KDM1A: variants seen among roughly 807,000 people sequenced by gnomAD.
KDM1A encodes the protein lysine-specific histone demethylase 1A.
Under a neutral mutation model 109.4 loss-of-function variants are expected in KDM1A, and 49 were observed. The observed-to-expected ratio is 0.45, with a 90% CI of 0.36 to 0.57. The LOEUF (loss-of-function observed/expected upper bound fraction) is 0.57, where lower values mean the gene tolerates loss of function less well. KDM1A is among the 20% of genes least tolerant of loss of function. The pLI, the probability that KDM1A is intolerant of heterozygous loss-of-function variation, is 0.00. For missense variants in KDM1A, 668 were observed against 1,116.6 expected, an observed-to-expected ratio of 0.60 and a Z score of 5.73; for synonymous variants, 380 against 415.4, an observed-to-expected ratio of 0.91 and a Z score of 1.04.
chr1:23,082,209 T>A lies in KDM1A; in HGVS notation c.2299-11T>A, dbSNP rs1222418791. On this transcript the variant is annotated splice_polypyrimidine_tract_variant and intron_variant, in intron 19 of 20. Coordinates refer to ENST00000400181, the MANE Select transcript of KDM1A (RefSeq NM_001009999.3). ...TCTCGTAATGACTTTTGCTCCTGGT[T>A]TTTCTTTTAGCCCAAAGAAACTGTG... 1.2e-6 allele frequency: 2 copies of A among 1,612,472 alleles called. No homozygotes were observed. The highest frequency in any genetic ancestry group is 1.7e-6 in the Non-Finnish European group (2 of 1,179,406).
At chr1:23,024,667 C>T (rs1023558335) in intron 1 of KDM1A, among the ~76,000 whole-genome samples, 3 of 152,140 alleles carry the variant, frequency 2.0e-5, no homozygotes, top group East Asian at 3.8e-4. Context: ...TGGAACTTCA[C>T]GAACACCATA....
Position 23,054,488 on chromosome 1 carries a change from TTGAG to T in KDM1A, c.791-569_791-566del, listed in dbSNP as rs1248075809. ...CTAATAGTTCTAAGAATCACATTGA[TTGAG>T]TGAGTGAGTGATTGACAGTGTCTCC... is the stretch of plus-strand genomic sequence containing the variant. On this transcript the variant is annotated intron_variant, in intron 5 of 20. Transcript: ENST00000400181. Among the ~76,000 whole-genome samples the T allele has an allele frequency of 5.3e-5, 8 of 152,186 alleles. 1 individual carries two copies. The highest frequency in any genetic ancestry group is 7.3e-5 in the Non-Finnish European group (5 of 68,040).
chr1:23,077,366 T>C lies in KDM1A; in HGVS notation c.1867+6T>C. 6.2e-7 allele frequency: 1 copy of C among 1,609,420 alleles called. No homozygotes were observed. Among genetic ancestry groups the C allele is most frequent in the Non-Finnish European group, 8.5e-7 (1 of 1,176,880 alleles). Reference sequence around the variant, plus strand: ...GGTTCGCTACACGGCTTCAGGTATGTCACTGCTTTACAAAAGGTAAGAGAG... The same window carrying C: ...GGTTCGCTACACGGCTTCAGGTATGCCACTGCTTTACAAAAGGTAAGAGAG... On this transcript the variant is annotated splice_donor_region_variant and intron_variant, in intron 16 of 20. Transcript: ENST00000400181.
At chr1:23,033,967 C>T (rs887838575) in intron 2 of KDM1A, among the ~76,000 whole-genome samples, 3 of 152,148 alleles carry the variant, frequency 2.0e-5, no homozygotes, top group Admixed American at 1.3e-4. Context: ...GAAAAATGTT[C>T]TTAATATCAA....
chr1:23,051,101 A>G (rs906354196), intron 4 of KDM1A, among the ~76,000 whole-genome samples: 1 of 152,110 alleles, frequency 6.6e-6, no homozygotes, highest in Middle Eastern at 3.2e-3. Context: ...AAAAAACAAA[A>G]ACCTTTAAGC....
Position 23,081,812 on chromosome 1 carries a change from C to G in KDM1A, c.2298+239C>G, listed in dbSNP as rs569935163. ...TTTCTCCTCCGGCTTTAGAGTCACA[C>G]CAGATCCCTGACATTTTAGACAAAA... On this transcript the variant is annotated intron_variant, in intron 19 of 20. Transcript: ENST00000400181. The G allele has an allele frequency of 3.0e-4, 149 of 489,386 alleles. No individual in the cohort carries two copies. The Middle Eastern group carries it at 8.0e-3, about 26-fold the overall frequency. The allele number at this position is 489,386 out of a possible 1,614,324, so 30.3% of individuals were successfully genotyped here. A position where few individuals can be genotyped will look rare whatever the true frequency, so the allele number is the denominator to read the frequency against.
intron 16 of KDM1A, among the ~76,000 whole-genome samples, chr1:23,078,404 T>G (rs971230434): frequency 2.0e-5 from 3 of 152,180 alleles, no homozygotes; most frequent in Non-Finnish European, 4.4e-5. Context: ...AAACAGACAT[T>G]CATTAAAAAA....
Position 23,050,372 on chromosome 1 carries a change from T to A in KDM1A, c.578-15T>A, listed in dbSNP as rs759386044. ...ACTTGCACTTTTCCTAGATGTCCTT[T>A]GCTTTCTTCGTTAGGTGTGGAGGGC... is the stretch of plus-strand genomic sequence containing the variant. On this transcript the variant is annotated splice_polypyrimidine_tract_variant and intron_variant, in intron 3 of 20. Coordinates refer to ENST00000400181, the MANE Select transcript of KDM1A (RefSeq NM_001009999.3). The A allele has an allele frequency of 6.3e-7, 1 of 1,595,868 alleles. No homozygotes were observed. Among genetic ancestry groups the A allele is most frequent in the East Asian group, 2.3e-5 (1 of 44,272 alleles).
chr1:23,078,526 G>C (rs931631971), intron 16 of KDM1A, among the ~76,000 whole-genome samples: 5 of 152,100 alleles, frequency 3.3e-5, no homozygotes, highest in African/African-American at 1.2e-4. Flanking sequence ...AGCATAGCAC[G>C]CTCCACAGTT....
intron 19 of KDM1A, 155 bp downstream of exon 19, chr1:23,081,728 G>A (rs748608858): frequency 1.8e-4 from 162 of 898,476 alleles, no homozygotes; most frequent in Non-Finnish European, 2.3e-4. Flanking sequence ...TGGCCTAAGC[G>A]TGGGGTTCAG....
intron 9 of KDM1A, among the ~76,000 whole-genome samples, chr1:23,063,227 T>TGGGG (rs1557570015): frequency 6.4e-5 from 4 of 62,502 alleles, no homozygotes; most frequent in African/African-American, 1.5e-4. Context: ...GGTGGGTGTG[T>TGGGG]GTGGGTGTGT....
At chr1:23,031,683 G>A (rs1265562972) in intron 2 of KDM1A, among the ~76,000 whole-genome samples, 5 of 151,944 alleles carry the variant, frequency 3.3e-5, no homozygotes, top group African/African-American at 1.2e-4. Context: ...ACTTAGGTTT[G>A]GAGCTTATCA....
At chr1:23,034,160 C>G (rs1642073819) in intron 2 of KDM1A, among the ~76,000 whole-genome samples, 1 of 152,096 alleles carries the variant, frequency 6.6e-6, no homozygotes, top group Non-Finnish European at 1.5e-5. Flanking sequence ...ATTTTTCATA[C>G]CAAATATTAC....
chr1:23,063,425 G>A (rs1457092444), intron 9 of KDM1A, among the ~76,000 whole-genome samples: 1 of 152,086 alleles, frequency 6.6e-6, no homozygotes, highest in Non-Finnish European at 1.5e-5. Flanking sequence ...GGTATCTATC[G>A]TAACTTTGCC....
chr1:23,077,416 T>C, intron 16 of KDM1A, 56 bp downstream of exon 16: 1 of 1,550,570 alleles, frequency 6.4e-7, no homozygotes, highest in East Asian at 2.3e-5. Context: ...AGGACTGATC[T>C]TTTGTTAGGT....
chr1:23,050,264 G>A, intron 3 of KDM1A, 123 bp from the exon 4 acceptor site: 1 of 997,278 alleles, frequency 1.0e-6, no homozygotes. Flanking sequence ...TTCAGCTTTT[G>A]AGACAATTGA....
At position 23,019,804 on chromosome 1, in the gene KDM1A, C is replaced by G; in HGVS notation, c.208C>G (p.Pro70Ala). Residue 70 changes from proline to alanine, a missense_variant, in exon 1 of 21, where the codon CCC becomes GCC. By Grantham distance (27) the Pro-to-Ala change is conservative. Around this residue, in one of 8 missense-constraint regions of KDM1A, gnomAD observed 156 missense variants for 163.4 expected, o/e 0.95. Transcript: ENST00000400181. The stretch of plus-strand genomic sequence containing the variant: ...CAAGAAAGAGCCTCCGCGGGCCTCG[C>G]CCCCCGGGGGCCTGGCGGAACCGCC... ...PRKKEPPRAS[P>A]PGGLAEPPGS... 1 of 1,395,188 alleles carries G rather than the reference C, an allele frequency of 7.2e-7. No homozygotes were observed. 86.4% of individuals were successfully genotyped at this position (1,395,188 alleles called of 1,614,324 possible).
At chr1:23,053,651 G>T in intron 4 of KDM1A, 110 bp from the exon 5 acceptor site, 1 of 736,558 alleles carries the variant, frequency 1.4e-6, no homozygotes, top group South Asian at 1.6e-5. Context: ...CTCCCAAACT[G>T]CTGGGATTAT....
chr1:23,050,451 C>A lies in KDM1A; in HGVS notation c.642C>A (p.Ala214=). 1.9e-6 allele frequency: 3 copies of A among 1,613,528 alleles called. No homozygotes were observed. Among genetic ancestry groups the A allele is most frequent in the Non-Finnish European group, 2.5e-6 (3 of 1,179,710 alleles). Residue 214 remains alanine (A), a synonymous_variant, in exon 4 of 21, where the codon GCC becomes GCA. Coordinates refer to ENST00000400181, the MANE Select transcript of KDM1A (RefSeq NM_001009999.3). The part of the protein sequence containing the change: ...PHDRMTSQEA[A]CFPDIISGPQ... The stretch of plus-strand genomic sequence containing the variant: ...ACCGGATGACTTCTCAAGAAGCAGC[C>A]TGTTTTCCAGATATTATCAGTGGAC...
Sources: allele counts gnomAD v4.1 joint callset (sites outside exome capture counted in the v4.1 genomes callset), GRCh38; gene constraint gnomAD v4.1.1; regional missense constraint gnomAD v4.1.1; transcripts MANE v1.5; gene names NCBI Gene and HGNC (gene_info 2026-07-23, HGNC 2026-07-21).